AZIN1: variants seen among roughly 807,000 people sequenced by gnomAD.
The protein encoded by AZIN1 is ornithine decarboxylase antizyme inhibitor.
AZIN1 carries 12 observed loss-of-function variants against 47.4 expected under a neutral mutation model. The observed-to-expected ratio is 0.25, with a 90% CI of 0.16 to 0.41. The LOEUF (loss-of-function observed/expected upper bound fraction) is 0.41. Ranked by LOEUF, AZIN1 falls within the 10% of genes least tolerant of loss-of-function variation. AZIN1 has a pLI of 1.00. For synonymous variants in AZIN1, 155 were observed against 176.3 expected, an observed-to-expected ratio of 0.88 and a Z score of 0.96; for missense variants, 410 against 532.4, an observed-to-expected ratio of 0.77 and a Z score of 2.26.
intron 1 of AZIN1, among the ~76,000 whole-genome samples, chr8:102,861,968 G>A (rs779172129): frequency 1.1e-4 from 17 of 151,922 alleles, no homozygotes; most frequent in Admixed American, 2.0e-4. Flanking sequence ...CCTGGGAAGC[G>A]GAGGTTGCAG....
intron 2 of AZIN1, among the ~76,000 whole-genome samples, chr8:102,844,360 AT>A: frequency 6.7e-6 from 1 of 148,622 alleles, no homozygotes; most frequent in Admixed American, 6.7e-5. Context: ...AAAAAAAAAA[AT>A]TCCCAAATAG....
intron 9 of AZIN1, among the ~76,000 whole-genome samples, chr8:102,832,766 G>A (rs1811544629): frequency 1.3e-5 from 2 of 151,792 alleles, no homozygotes; most frequent in East Asian, 1.9e-4. Flanking sequence ...TCAGCCTCCC[G>A]AGTAGCCGGG....
At chr8:102,863,651 G>A (rs1042950568) in intron 1 of AZIN1, among the ~76,000 whole-genome samples, 156 bp downstream of exon 1, 6 of 149,206 alleles carry the variant, frequency 4.0e-5, no homozygotes, top group African/African-American at 1.2e-4. Flanking sequence ...GCCGCCGGGG[G>A]CACAGACAGC....
chr8:102,838,698 C>G (rs1424168223), intron 5 of AZIN1, 46 bp downstream of exon 5: 1 of 1,511,300 alleles, frequency 6.6e-7, no homozygotes, highest in African/African-American at 1.4e-5. Flanking sequence ...AAACCCAACC[C>G]TCTAAGTGCT....
At chr8:102,837,030 G>A (rs1586165842) in intron 5 of AZIN1, among the ~76,000 whole-genome samples, 1 of 152,040 alleles carries the variant, frequency 6.6e-6, no homozygotes, top group Non-Finnish European at 1.5e-5. Context: ...CAATTCTCCT[G>A]CCTCAGCCTC....
intron 1 of AZIN1, among the ~76,000 whole-genome samples, chr8:102,859,720 C>T (rs773866805): frequency 6.6e-6 from 1 of 152,130 alleles, no homozygotes; most frequent in Non-Finnish European, 1.5e-5. Context: ...CCTGTAATCC[C>T]AGCTACTCAG....
chr8:102,838,868 T>G lies in AZIN1; in HGVS notation c.325A>C (p.Ile109Leu). The G allele has an allele frequency of 6.2e-7, 1 of 1,613,760 alleles. No individual in the cohort carries two copies. The highest frequency in any genetic ancestry group is 8.5e-7 in the Non-Finnish European group (1 of 1,179,896). The part of the protein sequence containing the change: ...QELGVPPENI[I>L]YISPCKQVSQ... Reference sequence around the variant, plus strand: ...ACTTGCTTGCAAGGACTTATGTAAATAATGTTTTCTGGAGGTACACCCAAC... The same window carrying G: ...ACTTGCTTGCAAGGACTTATGTAAAGAATGTTTTCTGGAGGTACACCCAAC... The change falls in exon 5 of 12, where the codon ATT becomes CTT. Residue 109 changes from isoleucine (I) to leucine (L), a missense_variant. Ile to Leu is a conservative substitution (Grantham distance 5). Coordinates refer to ENST00000337198, the MANE Select transcript of AZIN1 (RefSeq NM_148174.4).
chr8:102,830,006 T>A, intron 9 of AZIN1, 70 bp from the exon 10 acceptor site: 1 of 1,014,682 alleles, frequency 9.9e-7, no homozygotes, highest in Non-Finnish European at 1.5e-6. Flanking sequence ...ATTAATGTAA[T>A]TTTCACATTT....
intron 2 of AZIN1, among the ~76,000 whole-genome samples, chr8:102,845,544 AAT>A (rs926624055): frequency 6.6e-6 from 1 of 152,244 alleles, no homozygotes; most frequent in African/African-American, 2.4e-5. Flanking sequence ...GTGCCCAGAA[AAT>A]ATAGACATTT....
intron 2 of AZIN1, among the ~76,000 whole-genome samples, chr8:102,845,616 C>T (rs536598518): frequency 1.1e-4 from 17 of 152,106 alleles, no homozygotes; most frequent in African/African-American, 4.1e-4. Flanking sequence ...GGGGGATATT[C>T]AACTGAGCAC....
At chr8:102,838,278 A>C (rs1811948488) in intron 5 of AZIN1, among the ~76,000 whole-genome samples, 1 of 152,056 alleles carries the variant, frequency 6.6e-6, no homozygotes, top group Non-Finnish European at 1.5e-5. Context: ...TAAAAACAAA[A>C]CCCCCCAAAT....
At chr8:102,848,964 A>G (rs950252459) in intron 2 of AZIN1, among the ~76,000 whole-genome samples, 2 of 152,124 alleles carry the variant, frequency 1.3e-5, no homozygotes, top group African/African-American at 2.4e-5. Context: ...TTCGGGGGTG[A>G]GCAGTTTATA....
intron 1 of AZIN1, among the ~76,000 whole-genome samples, chr8:102,861,360 T>C (rs1813639400): frequency 6.6e-6 from 1 of 151,850 alleles, no homozygotes; most frequent in African/African-American, 2.4e-5. Context: ...CCCGAGGAGC[T>C]GGGATTACAG....
At chr8:102,836,446 G>C in intron 5 of AZIN1, 56 bp from the exon 6 acceptor site, 1 of 1,557,202 alleles carries the variant, frequency 6.4e-7, no homozygotes, top group Non-Finnish European at 8.8e-7. Context: ...ATCAGCACAT[G>C]TGAAGCCTGA....
chr8:102,829,925 C>T lies in AZIN1; in HGVS notation c.916G>A (p.Gly306Arg), dbSNP rs779160903. 43 of 1,601,138 alleles carry T rather than the reference C, an allele frequency of 2.7e-5. No individual in the cohort carries two copies. The highest frequency in any genetic ancestry group is 3.4e-5 in the South Asian group (3 of 88,078). Residue 306 changes from glycine to arginine, a missense_variant, in exon 10 of 12, where the codon GGA (glycine) becomes AGA (arginine). Gly to Arg is a moderately radical substitution (Grantham distance 125). This residue lies in a region of AZIN1 where 168 missense variants were observed against 198.3 expected (regional missense o/e 0.85). Coordinates refer to ENST00000337198, the MANE Select transcript of AZIN1 (RefSeq NM_148174.4). ...DKFPSGVEKTGSDEPAFMYYM... is the reference protein window; with the variant it reads ...DKFPSGVEKTRSDEPAFMYYM... ...TACATGAAGGCTGGTTCATCACTTC[C>T]GGTTTTTTCTACTGGAATAAAACAG... is the stretch of plus-strand genomic sequence containing the variant.
intron 5 of AZIN1, among the ~76,000 whole-genome samples, chr8:102,836,903 TTTTTTTTTC>T (rs944281827): frequency 6.6e-6 from 1 of 151,874 alleles, no homozygotes; most frequent in Non-Finnish European, 1.5e-5. Context: ...ATTTTTTAAA[TTTTTTTTTC>T]TTTTTTTTCT....
At chr8:102,843,310 G>A (rs1318370388) in intron 3 of AZIN1, among the ~76,000 whole-genome samples, 1 of 152,160 alleles carries the variant, frequency 6.6e-6, no homozygotes, top group Non-Finnish European at 1.5e-5. Flanking sequence ...AACATATGTG[G>A]GTGCCAGATG....
chr8:102,828,753 A>G lies in AZIN1; in HGVS notation c.1236-75T>C, dbSNP rs1189588238. Reference sequence around the variant, plus strand: ...CGTAATCACATAACAAATGGATAATAAAACAGGATTATAACTAGTCTTCCA... The same window carrying G: ...CGTAATCACATAACAAATGGATAATGAAACAGGATTATAACTAGTCTTCCA... On this transcript the variant is annotated intron_variant, in intron 11 of 11. Transcript: ENST00000337198. 5 of 890,784 alleles carry G rather than the reference A, an allele frequency of 5.6e-6. No individual in the cohort carries two copies. The African/African-American group carries it at 6.8e-5, about 12-fold the overall frequency. The allele number at this position is 890,784 out of a possible 1,614,324, so 55.2% of individuals were successfully genotyped here. A position where few individuals can be genotyped will look rare whatever the true frequency, so the allele number is the denominator to read the frequency against.
chr8:102,830,336 G>A (rs1483914985), intron 9 of AZIN1: 2 of 153,262 alleles, frequency 1.3e-5, no homozygotes, highest in African/African-American at 4.9e-5. Flanking sequence ...CAGTAAGACA[G>A]TGAGACAGTG....
Sources: gnomAD v4.1 joint callset for allele counts (sites outside exome capture counted in the v4.1 genomes callset) on GRCh38, gnomAD v4.1.1 for gene constraint, gnomAD v4.1.1 regional missense constraint, MANE v1.5 for transcripts, NCBI Gene and HGNC (gene_info 2026-07-23, HGNC 2026-07-21) for gene names.